VAV3: variants seen among roughly 807,000 people sequenced by gnomAD.
The protein encoded by VAV3 is vav guanine nucleotide exchange factor 3, also known as guanine nucleotide exchange factor VAV3.
A neutral mutation model predicts 131.2 loss-of-function variants in VAV3; 94 were observed. That is an observed-to-expected ratio of 0.72 (90% CI 0.61 to 0.85). The LOEUF is 0.85. VAV3 is among the 40% of genes least tolerant of loss of function. VAV3 has a pLI of 0.00. For missense variants in VAV3, 939 were observed against 1,002.7 expected, an observed-to-expected ratio of 0.94 and a Z score of 0.86; for synonymous variants, 349 against 342.0, an observed-to-expected ratio of 1.02 and a Z score of -0.22.
Position 107,928,786 on chromosome 1 carries a change from A to C in VAV3, c.204+35880T>G, listed in dbSNP as rs367863610. On this transcript the variant is annotated intron_variant, in intron 1 of 26. Coordinates refer to ENST00000370056, the MANE Select transcript of VAV3 (RefSeq NM_006113.5). ...AAACAGCTCGAAAGGGAAACCTAAGAGTTATTGGCCTTAAAGAGTAGGTAG... is the reference window on the plus strand; with the variant it reads ...AAACAGCTCGAAAGGGAAACCTAAGCGTTATTGGCCTTAAAGAGTAGGTAG... Among the ~76,000 whole-genome samples, 100 of 152,320 alleles carry C rather than the reference A, an allele frequency of 6.6e-4. 1 individual carries two copies. The South Asian group carries it at 0.02, about 31-fold the overall frequency.
intron 2 of VAV3, among the ~76,000 whole-genome samples, chr1:107,816,001 A>G (rs2102344886): frequency 6.6e-6 from 1 of 152,266 alleles, no homozygotes; most frequent in African/African-American, 2.4e-5. Context: ...TTGGCAATAC[A>G]CTTTGCACTT....
At chr1:107,674,757 T>C (rs1353967336) in intron 19 of VAV3, among the ~76,000 whole-genome samples, 1 of 152,166 alleles carries the variant, frequency 6.6e-6, no homozygotes, top group African/African-American at 2.4e-5. Flanking sequence ...TCCCCTTCCC[T>C]GAATGTGGGT....
chr1:107,738,771 C>A (rs972033611), intron 15 of VAV3, among the ~76,000 whole-genome samples: 57 of 152,258 alleles, frequency 3.7e-4, no homozygotes, highest in African/African-American at 9.6e-4. Context: ...TCATAGAATT[C>A]ACTGCAGTGG....
At chr1:107,738,706 G>T (rs1176112399) in intron 15 of VAV3, among the ~76,000 whole-genome samples, 1 of 152,146 alleles carries the variant, frequency 6.6e-6, no homozygotes, top group Non-Finnish European at 1.5e-5. Context: ...CCTAAAAATA[G>T]TACATGTCAC....
chr1:107,741,244 C>A (rs1182320350), intron 15 of VAV3, among the ~76,000 whole-genome samples: 2 of 152,208 alleles, frequency 1.3e-5, no homozygotes, highest in Non-Finnish European at 2.9e-5. Flanking sequence ...AAACATGGGT[C>A]TTTCAAAAAT....
chr1:107,615,573 T>C (rs1433273077), intron 21 of VAV3, among the ~76,000 whole-genome samples: 1 of 152,048 alleles, frequency 6.6e-6, no homozygotes, highest in African/African-American at 2.4e-5. Flanking sequence ...CAAAAGCAAC[T>C]GCAACAAAAC....
intron 15 of VAV3, among the ~76,000 whole-genome samples, chr1:107,709,871 C>T (rs1309411894): frequency 2.6e-5 from 4 of 152,148 alleles, no homozygotes; most frequent in African/African-American, 4.8e-5. Flanking sequence ...AATTAAATCT[C>T]TTTTTTAAAT....
At position 107,666,991 on chromosome 1, in the gene VAV3, G is replaced by A. The variant is rs142191903; in HGVS notation, c.1777+16497C>T. Among the ~76,000 whole-genome samples, 796 of 152,288 alleles carry A rather than the reference G, an allele frequency of 5.2e-3. 8 individuals carry two copies. Among genetic ancestry groups the A allele is most frequent in the African/African-American group, 0.018 (740 of 41,560 alleles). On this transcript the variant is annotated intron_variant, in intron 19 of 26. Transcript: ENST00000370056. Reference sequence around the variant, plus strand: ...CAAAAAGGCATCATAAGCCAAACATGTAAGAGCCAGCAGCTTGTACTGCTG... The same window carrying A: ...CAAAAAGGCATCATAAGCCAAACATATAAGAGCCAGCAGCTTGTACTGCTG...
At chr1:107,961,519 AC>A (rs1349164136) in intron 1 of VAV3, among the ~76,000 whole-genome samples, 1 of 152,206 alleles carries the variant, frequency 6.6e-6, no homozygotes, top group Non-Finnish European at 1.5e-5. Context: ...ACATATACAG[AC>A]ACCAAATTTC....
chr1:107,722,476 C>T (rs1370179351), intron 15 of VAV3, among the ~76,000 whole-genome samples: 2 of 152,304 alleles, frequency 1.3e-5, no homozygotes, highest in African/African-American at 4.8e-5. Flanking sequence ...GAAACAGACA[C>T]ATGTGCCAGT....
chr1:107,659,490 C>T (rs1270077350), intron 19 of VAV3, among the ~76,000 whole-genome samples: 1 of 152,060 alleles, frequency 6.6e-6, no homozygotes, highest in African/African-American at 2.4e-5. Context: ...CCTGGGATTC[C>T]AAAGTTTCTT....
intron 2 of VAV3, among the ~76,000 whole-genome samples, chr1:107,796,559 A>G (rs1193875848): frequency 2.0e-5 from 3 of 152,096 alleles, no homozygotes; most frequent in African/African-American, 7.2e-5. Flanking sequence ...TATAAATATT[A>G]AATTTTCTCA....
intron 2 of VAV3, among the ~76,000 whole-genome samples, chr1:107,787,274 T>A (rs1666059179): frequency 6.6e-6 from 1 of 152,214 alleles, no homozygotes; most frequent in Admixed American, 6.5e-5. Flanking sequence ...CATTCTGTGC[T>A]AGATACACCA....
At chr1:107,955,334 T>C (rs977686853) in intron 1 of VAV3, among the ~76,000 whole-genome samples, 13 of 152,084 alleles carry the variant, frequency 8.5e-5, no homozygotes, top group Non-Finnish European at 1.8e-4. Context: ...TTTTAATTTG[T>C]AGATGTTTGA....
intron 11 of VAV3, 111 bp downstream of exon 11, chr1:107,757,150 T>C (rs1454033147): frequency 1.5e-6 from 1 of 678,454 alleles, no homozygotes; most frequent in Non-Finnish European, 2.4e-6. Context: ...TATATGTGTG[T>C]ATATGTGTGT....
At chr1:107,677,550 A>G (rs1266740698) in intron 19 of VAV3, among the ~76,000 whole-genome samples, 2 of 152,220 alleles carry the variant, frequency 1.3e-5, no homozygotes, top group Admixed American at 6.5e-5. Context: ...CGTTCTAAGT[A>G]AGGAACAGTT....
chr1:107,916,360 AAAGAAACATATACCTG>A (rs553503683), intron 1 of VAV3, among the ~76,000 whole-genome samples: 514 of 152,318 alleles, frequency 3.4e-3, no homozygotes, highest in African/African-American at 0.011. Flanking sequence ...CCTTTCTTAA[AAAGAAACATATACCTG>A]AAGCATAACG....
At position 107,574,991 on chromosome 1, in the gene VAV3, GTGCGTGCGTGCGCGCGCGCGCGCGCA is replaced by G. The variant is rs1269445235; in HGVS notation, c.2351-819_2351-794del. On this transcript the variant is annotated intron_variant, in intron 25 of 26. Coordinates refer to ENST00000370056, the MANE Select transcript of VAV3 (RefSeq NM_006113.5). ...TGTGTGTGTGTGTGTGTGTGTGTGT[GTGCGTGCGTGCGCGCGCGCGCGCGCA>G]CACGCGCGCGTGTTTAATATTCGAT... is the stretch of plus-strand genomic sequence containing the variant. Among the ~76,000 whole-genome samples, 243 of 31,334 alleles carry G rather than the reference GTGCGTGCGTGCGCGCGCGCGCGCGCA, an allele frequency of 7.8e-3. 4 individuals are homozygous for G. Among genetic ancestry groups the G allele is most frequent in the African/African-American group, 0.019 (234 of 12,336 alleles). The allele number at this position is 31,334 out of a possible 152,430, so 20.6% of individuals were successfully genotyped here.
intron 1 of VAV3, among the ~76,000 whole-genome samples, chr1:107,958,238 A>G (rs939884333): frequency 2.6e-5 from 4 of 152,238 alleles, no homozygotes; most frequent in African/African-American, 4.8e-5. Flanking sequence ...TTTTTGGGAA[A>G]TAACAGTTCT....
Sources: gnomAD v4.1 joint callset for allele counts (sites outside exome capture counted in the v4.1 genomes callset) on GRCh38, gnomAD v4.1.1 for gene constraint, MANE v1.5 for transcripts, NCBI Gene and HGNC (gene_info 2026-07-23, HGNC 2026-07-21) for gene names.